CNOT2: variants seen among roughly 807,000 people sequenced by gnomAD.
CNOT2 encodes the protein CCR4-NOT transcription complex subunit 2, also known as CC chemokine receptor 4-negative regulator of transcription 2.
Under a neutral mutation model 72.1 loss-of-function variants are expected in CNOT2, and 7 were observed. The observed-to-expected ratio is 0.10, with a 90% CI of 0.06 to 0.18. CNOT2 has a LOEUF of 0.18. Among genes scored for constraint, CNOT2 ranks in the 10% least tolerant of loss-of-function variants. The pLI is 1.00. For synonymous variants in CNOT2, 196 were observed against 225.6 expected, an observed-to-expected ratio of 0.87 and a Z score of 1.17; for missense variants, 345 against 660.3, an observed-to-expected ratio of 0.52 and a Z score of 5.23.
chr12:70,344,356 A>G, intron 14 of CNOT2, 128 bp downstream of exon 14: 2 of 605,412 alleles, frequency 3.3e-6, no homozygotes, highest in Non-Finnish European at 5.8e-6. Flanking sequence ...TTTTTACATT[A>G]TTAAAGTGAA....
At chr12:70,278,368 GTTACACCTCAATTT>G in intron 2 of CNOT2, 94 bp downstream of exon 2, 1 of 871,212 alleles carries the variant, frequency 1.1e-6, no homozygotes, top group Non-Finnish European at 1.8e-6. Flanking sequence ...CAGCAAATTG[GTTACACCTCAATTT>G]GAAAATTTGG....
intron 15 of CNOT2, among the ~76,000 whole-genome samples, chr12:70,351,302 G>T (rs1882833690): frequency 6.6e-6 from 1 of 152,136 alleles, no homozygotes; most frequent in Non-Finnish European, 1.5e-5. Flanking sequence ...ATACAAAGTA[G>T]ATAGACACTT....
intron 1 of CNOT2, among the ~76,000 whole-genome samples, chr12:70,270,657 A>G (rs1211446115): frequency 6.6e-6 from 1 of 152,108 alleles, no homozygotes; most frequent in Non-Finnish European, 1.5e-5. Flanking sequence ...CCTACACTTA[A>G]CTGACCCACT....
At chr12:70,292,175 A>G (rs1872032471) in intron 2 of CNOT2, among the ~76,000 whole-genome samples, 1 of 152,192 alleles carries the variant, frequency 6.6e-6, no homozygotes, top group African/African-American at 2.4e-5. Context: ...CATATATTGG[A>G]ATATATGCAT....
At chr12:70,293,224 G>A (rs1593146639) in intron 2 of CNOT2, among the ~76,000 whole-genome samples, 1 of 149,220 alleles carries the variant, frequency 6.7e-6, no homozygotes, top group East Asian at 2.0e-4. Context: ...GCAGTGGCAC[G>A]ATCTAAACTC....
rs889508217 is a variant in CNOT2 at position 70,295,915 on chromosome 12, G to T, written c.49-14980G>T. On this transcript the variant is annotated intron_variant, in intron 2 of 15. Transcript: ENST00000229195. ...AAAACCACAAAATCTGTTTATTCATGTTGAAACATACAGAACATATTCTCC... is the reference window on the plus strand; with the variant it reads ...AAAACCACAAAATCTGTTTATTCATTTTGAAACATACAGAACATATTCTCC... 4.0e-4 allele frequency among the ~76,000 whole-genome samples: 61 copies of T among 152,266 alleles called. 2 individuals are homozygous for T. The highest frequency in any genetic ancestry group is 2.6e-4 in the Admixed American group (4 of 15,294).
In CNOT2 at chr12:70,262,325, G is replaced by A. The variant is rs199546867; in HGVS notation, c.-95-15807G>A. On this transcript the variant is annotated intron_variant, in intron 1 of 15. Coordinates refer to ENST00000229195, the MANE Select transcript of CNOT2 (RefSeq NM_014515.7). Reference sequence around the variant, plus strand: ...GTCTCGCTCTGTCGCCCAGGCTGGAGTGCAATGGCGCAATCTCGGCTCACT... The same window carrying A: ...GTCTCGCTCTGTCGCCCAGGCTGGAATGCAATGGCGCAATCTCGGCTCACT... Among the ~76,000 whole-genome samples the A allele has an allele frequency of 2.5e-4, 38 of 152,276 alleles. No homozygotes were observed. In the East Asian group the frequency reaches 6.2e-3, roughly 25 times the overall value.
intron 11 of CNOT2, among the ~76,000 whole-genome samples, chr12:70,340,394 TGA>T (rs1251387205): frequency 1.3e-5 from 2 of 152,314 alleles, no homozygotes; most frequent in African/African-American, 4.8e-5. Context: ...TTTACATCCT[TGA>T]TGATCTTTTT....
chr12:70,269,195 G>T (rs1307865098), intron 1 of CNOT2, among the ~76,000 whole-genome samples: 1 of 151,776 alleles, frequency 6.6e-6, no homozygotes, highest in African/African-American at 2.4e-5. Context: ...CTGTGTGTAT[G>T]AGACCTTGAA....
At chr12:70,350,040 C>CT (rs1443415597) in intron 15 of CNOT2, among the ~76,000 whole-genome samples, 1 of 151,626 alleles carries the variant, frequency 6.6e-6, no homozygotes, top group Non-Finnish European at 1.5e-5. Flanking sequence ...TTTGCTTATT[C>CT]TTTCCTTTTA....
chr12:70,268,925 T>A (rs1959168432), intron 1 of CNOT2, among the ~76,000 whole-genome samples: 2 of 152,240 alleles, frequency 1.3e-5, no homozygotes, highest in African/African-American at 4.8e-5. Context: ...AGACTTGTCT[T>A]TTTAAACACT....
At chr12:70,351,037 A>C (rs1263874667) in intron 15 of CNOT2, among the ~76,000 whole-genome samples, 1 of 152,208 alleles carries the variant, frequency 6.6e-6, no homozygotes, top group Non-Finnish European at 1.5e-5. Flanking sequence ...TAATAGAAGA[A>C]CTAAGGTATG....
chr12:70,300,696 A>G (rs1225646723), intron 2 of CNOT2, among the ~76,000 whole-genome samples: 5 of 152,192 alleles, frequency 3.3e-5, no homozygotes, highest in African/African-American at 1.2e-4. Context: ...TTGACTTGGC[A>G]ATGAGGGCCC....
chr12:70,319,818 A>G (rs564803183), intron 4 of CNOT2, among the ~76,000 whole-genome samples: 4 of 151,794 alleles, frequency 2.6e-5, no homozygotes, highest in African/African-American at 9.6e-5. Context: ...TATTTCTTAA[A>G]TATTTCTTCT....
rs1879731554 is a variant in CNOT2, at chr12:70,330,311, G to A, written c.411G>A (p.Arg137=). The A allele has an allele frequency of 6.2e-7, 1 of 1,603,470 alleles. No individual in the cohort carries two copies. Among genetic ancestry groups the A allele is most frequent in the Non-Finnish European group, 8.5e-7 (1 of 1,172,204 alleles). ...GGGGTATTTTGCCTATGAATCCTAG[G>A]AATATGATGAACCACTCCCAGGTTG... ...PSRGILPMNP[R]NMMNHSQVGQ... is the part of the protein sequence containing the mutation. The change falls in exon 6 of 16, where the codon AGG becomes AGA. Residue 137 remains arginine (R), a synonymous_variant. Transcript: ENST00000229195.
At chr12:70,278,365 T>A in intron 2 of CNOT2, 91 bp downstream of exon 2, 2 of 915,436 alleles carry the variant, frequency 2.2e-6, no homozygotes, top group East Asian at 5.0e-5. Context: ...AACCAGCAAA[T>A]TGGTTACACC....
intron 3 of CNOT2, among the ~76,000 whole-genome samples, chr12:70,318,691 C>G (rs1162163208): frequency 6.6e-6 from 1 of 151,810 alleles, no homozygotes; most frequent in Non-Finnish European, 1.5e-5. Context: ...AGATTGTAAG[C>G]CCCTTGATGA....
chr12:70,335,618 A>G (rs1405662784), intron 8 of CNOT2, 55 bp downstream of exon 8: 1 of 1,364,608 alleles, frequency 7.3e-7, no homozygotes, highest in Non-Finnish European at 1.0e-6. Context: ...ATGTGCACAC[A>G]CATATACATT....
Position 70,348,894 on chromosome 12 carries a change from A to G in CNOT2, c.1536+2570A>G, listed in dbSNP as rs556061416. Among the ~76,000 whole-genome samples, 87 of 151,984 alleles carry G rather than the reference A, an allele frequency of 5.7e-4. No homozygotes were observed. The South Asian group carries it at 0.014, about 24-fold the overall frequency. On this transcript the variant is annotated intron_variant, in intron 15 of 15. Coordinates refer to ENST00000229195, the MANE Select transcript of CNOT2 (RefSeq NM_014515.7). ...AACATAATTTAGCTCAGTTTTATCT[A>G]TCGTGTACAGTTGAGCTTTTGTCTT...
Sources: allele counts gnomAD v4.1 joint callset (sites outside exome capture counted in the v4.1 genomes callset), GRCh38; gene constraint gnomAD v4.1.1; transcripts MANE v1.5; gene names NCBI Gene and HGNC (gene_info 2026-07-23, HGNC 2026-07-21).